ABCB11: variants seen among roughly 807,000 people sequenced by gnomAD.
ABCB11 encodes the protein ATP binding cassette subfamily B member 11, also known as bile salt export pump.
In ABCB11, 95 loss-of-function variants were observed where a neutral mutation model predicts 148.0. The observed-to-expected ratio is 0.64, with a 90% CI of 0.54 to 0.76. The LOEUF (loss-of-function observed/expected upper bound fraction) is 0.76. Among genes scored for constraint, ABCB11 ranks in the 30% least tolerant of loss-of-function variants. ABCB11 has a pLI of 0.00. For missense variants in ABCB11, 1,523 were observed against 1,617.8 expected (o/e 0.94, Z 1.01); for synonymous variants, 591 against 555.4 (o/e 1.06, Z -0.90).
At chr2:168,999,612 C>T (rs73020771) in intron 5 of ABCB11, among the ~76,000 whole-genome samples, 3,617 of 151,960 alleles carry the variant, frequency 0.024, 69 homozygotes, top group African/African-American at 0.041. Context: ...TGGCTTTTTT[C>T]CACTTAGCAT....
At chr2:168,977,022 ATATT>A (rs1693936918) in intron 11 of ABCB11, among the ~76,000 whole-genome samples, 1 of 148,710 alleles carries the variant, frequency 6.7e-6, no homozygotes, top group Non-Finnish European at 1.5e-5. Context: ...AACATAATAC[ATATT>A]TAATTAATTT....
Position 168,979,948 on chromosome 2 carries a change from T to G in ABCB11, c.1115A>C (p.Asn372Thr). The part of the protein sequence containing the change: ...IFLSVIVGAL[N>T]LGNASPCLEA... ...CAAACAAGGAGAGGCATTGCCAAGA[T>G]TTAAAGCTCCTACTATGACACTGAG... The change falls in exon 11 of 28, where the codon AAT (asparagine) becomes ACT (threonine). Residue 372 changes from asparagine (N) to threonine (T), a missense_variant. Coordinates refer to ENST00000650372, the MANE Select transcript of ABCB11 (RefSeq NM_003742.4). 1 of 1,609,824 alleles carries G rather than the reference T, an allele frequency of 6.2e-7. No homozygotes were observed. Among genetic ancestry groups the G allele is most frequent in the Non-Finnish European group, 8.5e-7 (1 of 1,176,996 alleles).
Position 168,993,812 on chromosome 2 carries a change from T to C in ABCB11, c.682A>G (p.Ile228Val). 6.2e-7 allele frequency: 1 copy of C among 1,611,676 alleles called. No individual in the cohort carries two copies. The change falls in exon 8 of 28, where the codon ATC (isoleucine) becomes GTC (valine). Residue 228 changes from isoleucine (I) to valine (V), a missense_variant. Transcript: ENST00000650372. ...AAAAATCCCAACAGGAAACCACAGA[T>C]GGTCGAGGTCATGCGCTGAATGAAA... ...ALFIQRMTST[I>V]CGFLLGFFRG...
At chr2:169,019,806 G>A (rs552094112) in intron 1 of ABCB11, among the ~76,000 whole-genome samples, 5 of 152,224 alleles carry the variant, frequency 3.3e-5, no homozygotes, top group South Asian at 2.1e-4. Flanking sequence ...AAACAGTGGC[G>A]TAATGTCTTC....
chr2:168,931,486 A>C (rs960779057), intron 24 of ABCB11, among the ~76,000 whole-genome samples: 2 of 152,236 alleles, frequency 1.3e-5, no homozygotes, highest in African/African-American at 4.8e-5. Context: ...GAACATACTA[A>C]AATTTTCAAA....
chr2:169,014,476 T>C lies in ABCB11; in HGVS notation c.99-122A>G, dbSNP rs547321843. The C allele has an allele frequency of 6.4e-5, 59 of 927,064 alleles. No individual in the cohort carries two copies. The African/African-American group carries it at 8.3e-4, about 13-fold the overall frequency. The allele number at this position is 927,064 out of a possible 1,614,324, so 57.4% of individuals were successfully genotyped here. On this transcript the variant is annotated intron_variant, in intron 3 of 27. Transcript: ENST00000650372. ...AAGAAAATCCCCACTGGCTGGAAAA[T>C]TCTGGCCAAACCTAGTATCTTAAAC...
intron 18 of ABCB11, among the ~76,000 whole-genome samples, chr2:168,960,117 T>C (rs1322962647): frequency 1.3e-5 from 2 of 151,622 alleles, no homozygotes; most frequent in East Asian, 2.0e-4. Context: ...CTCAGATTCA[T>C]GTGGGTTGAT....
chr2:169,029,172 G>A (rs1444219248), intron 1 of ABCB11, among the ~76,000 whole-genome samples: 2 of 151,868 alleles, frequency 1.3e-5, no homozygotes, highest in African/African-American at 2.4e-5. Flanking sequence ...AGACCCCAGC[G>A]CCACAAACTC....
At chr2:169,006,315 G>A (rs1695017834) in intron 5 of ABCB11, among the ~76,000 whole-genome samples, 1 of 152,148 alleles carries the variant, frequency 6.6e-6, no homozygotes, top group South Asian at 2.1e-4. Flanking sequence ...CTTAATAGAT[G>A]TAGATGAAGC....
chr2:168,958,851 A>T (rs1419840671), intron 18 of ABCB11, among the ~76,000 whole-genome samples: 1 of 151,700 alleles, frequency 6.6e-6, no homozygotes, highest in Non-Finnish European at 1.5e-5. Context: ...CTTGCTATGG[A>T]TACTACTCAA....
At position 168,960,343 on chromosome 2, in the gene ABCB11, G is replaced by A. The variant is rs990432479; in HGVS notation, c.2179-2215C>T. On this transcript the variant is annotated intron_variant, in intron 18 of 27. Transcript: ENST00000650372. Reference sequence around the variant, plus strand: ...TGCTGTACGTACCATCAAAGGGTAGGCTTTGGAACTTGTGAAGACTATTAG... The same window carrying A: ...TGCTGTACGTACCATCAAAGGGTAGACTTTGGAACTTGTGAAGACTATTAG... Among the ~76,000 whole-genome samples, 34 of 151,672 alleles carry A rather than the reference G, an allele frequency of 2.2e-4. 1 individual carries two copies. Among genetic ancestry groups the A allele is most frequent in the Non-Finnish European group, 3.0e-5 (2 of 67,764 alleles).
intron 5 of ABCB11, among the ~76,000 whole-genome samples, chr2:169,005,156 G>A (rs1027071931): frequency 1.3e-5 from 2 of 152,060 alleles, no homozygotes; most frequent in Non-Finnish European, 2.9e-5. Context: ...GCACTTTCAA[G>A]AGTGCATCAG....
At chr2:168,920,062 C>T (rs112238763), downstream of ABCB11, among the ~76,000 whole-genome samples, 93 of 151,948 alleles carry the variant, frequency 6.1e-4, 1 homozygote, top group African/African-American at 2.1e-3. Context: ...AATGGGGTTT[C>T]GCCAGGTTGC....
At chr2:168,944,351 A>C (rs539928728) in intron 21 of ABCB11, among the ~76,000 whole-genome samples, 19 of 152,006 alleles carry the variant, frequency 1.2e-4, no homozygotes, top group African/African-American at 4.6e-4. Flanking sequence ...AATGTTCCTA[A>C]GTTAGACTCA....
intron 21 of ABCB11, among the ~76,000 whole-genome samples, chr2:168,941,406 A>G (rs1692054966): frequency 1.3e-5 from 2 of 152,016 alleles, no homozygotes; most frequent in South Asian, 4.1e-4. Flanking sequence ...ACCCTCACAG[A>G]TGACTTTGAG....
intron 11 of ABCB11, among the ~76,000 whole-genome samples, 197 bp downstream of exon 11, chr2:168,979,669 T>C (rs1694062897): frequency 1.5e-5 from 1 of 64,746 alleles, no homozygotes; most frequent in African/African-American, 7.2e-5. Flanking sequence ...CGAAACTCCA[T>C]CTCAAAAAAA....
In ABCB11 at chr2:168,964,156, C is replaced by A. The variant is rs758888510; in HGVS notation, c.2178+50G>T. On this transcript the variant is annotated intron_variant, in intron 18 of 27. Transcript: ENST00000650372. The stretch of plus-strand genomic sequence containing the variant: ...TCAGGCTTAAAGGGTACCCAACAGT[C>A]CCCAGGAGAGACTTCTTCCATTCCC... The A allele has an allele frequency of 4.4e-6, 6 of 1,374,132 alleles. No individual in the cohort carries two copies. The East Asian group carries it at 1.3e-4, about 29-fold the overall frequency. The allele number at this position is 1,374,132 out of a possible 1,614,324, so 85.1% of individuals were successfully genotyped here. A position where few individuals can be genotyped will look rare whatever the true frequency, so the allele number is the denominator to read the frequency against.
Position 168,932,405 on chromosome 2 carries a change from C to T in ABCB11, c.3185G>A (p.Ser1062Asn). The change falls in exon 24 of 28, where the codon AGT (serine) becomes AAT (asparagine). Residue 1062 changes from serine to asparagine, a missense_variant. Ser to Asn is a conservative substitution (Grantham distance 46). Coordinates refer to ENST00000650372, the MANE Select transcript of ABCB11 (RefSeq NM_003742.4). ...TTTTTCACCTGCAGTATTGTATACA[C>T]TGATTGGGGGTTGTCGGTCCAGCAG... ...FQLLDRQPPI[S>N]VYNTAGEKWD... The T allele has an allele frequency of 3.2e-6, 5 of 1,575,208 alleles. No individual in the cohort carries two copies. Among genetic ancestry groups the T allele is most frequent in the South Asian group, 1.2e-5 (1 of 85,842 alleles).
At chr2:169,021,928 G>A (rs13387523) in intron 1 of ABCB11, among the ~76,000 whole-genome samples, 15,836 of 151,594 alleles carry the variant, frequency 0.1, 1,195 homozygotes, top group African/African-American at 0.22. Context: ...TATTCTTAAG[G>A]GTGTATATTC....
Sources: gnomAD v4.1 joint callset for allele counts (sites outside exome capture counted in the v4.1 genomes callset) on GRCh38, gnomAD v4.1.1 for gene constraint, MANE v1.5 for transcripts, NCBI Gene and HGNC (gene_info 2026-07-23, HGNC 2026-07-21) for gene names.